Variants in TBC1D22A observed in about 807,000 individuals in gnomAD.
The protein encoded by TBC1D22A is TBC1 domain family member 22A.
TBC1D22A carries 38 observed loss-of-function variants against 60.2 expected under a neutral mutation model. The observed-to-expected ratio is 0.63, with a 90% CI of 0.49 to 0.83. TBC1D22A has a LOEUF of 0.83. Ranked by LOEUF, TBC1D22A falls within the 40% of genes least tolerant of loss-of-function variation. The probability of loss-of-function intolerance (pLI) is 0.00; values close to 1 mark genes in which losing one functional copy is unlikely to be tolerated. For missense variants in TBC1D22A, 628 were observed against 701.0 expected (o/e 0.90, Z 1.18); for synonymous variants, 302 against 281.7 (o/e 1.07, Z -0.72).
intron 8 of TBC1D22A, among the ~76,000 whole-genome samples, chr22:46,929,922 T>G (rs7284894): frequency 0.26 from 39,545 of 152,086 alleles, 6,443 homozygotes; most frequent in Middle Eastern, 0.42. Flanking sequence ...CCCCTATGTG[T>G]GTGTGGACCC....
rs575918186 is a variant in TBC1D22A, at chr22:47,109,331, A to G, written c.1330-2177A>G. On this transcript the variant is annotated intron_variant, in intron 11 of 12. Transcript: ENST00000337137. ...ACCTGTCAGTTATTGATAGATTATA[A>G]GCAGACAAAAAAAACCAGTCAGGAT... Among the ~76,000 whole-genome samples the G allele has an allele frequency of 1.6e-4, 25 of 152,352 alleles. No individual in the cohort carries two copies. The South Asian group carries it at 5.2e-3, about 32-fold the overall frequency.
intron 4 of TBC1D22A, among the ~76,000 whole-genome samples, chr22:46,854,677 T>G (rs2147303209): frequency 6.6e-6 from 1 of 152,320 alleles, no homozygotes; most frequent in East Asian, 1.9e-4. Flanking sequence ...CAAGTCTCCT[T>G]GCTTCCCTCT....
chr22:47,026,188 A>G (rs1233082653), intron 10 of TBC1D22A, among the ~76,000 whole-genome samples: 3 of 152,204 alleles, frequency 2.0e-5, no homozygotes, highest in Non-Finnish European at 2.9e-5. Context: ...TCCACTCTCA[A>G]TGGAAACTCT....
At chr22:46,832,386 C>T (rs1271646662) in intron 4 of TBC1D22A, among the ~76,000 whole-genome samples, 1 of 152,234 alleles carries the variant, frequency 6.6e-6, no homozygotes, top group East Asian at 1.9e-4. Flanking sequence ...CGCAGTGGCT[C>T]ACGCCTGTAA....
intron 5 of TBC1D22A, among the ~76,000 whole-genome samples, chr22:46,888,905 C>T (rs1211984905): frequency 6.6e-6 from 1 of 152,160 alleles, no homozygotes; most frequent in Non-Finnish European, 1.5e-5. Context: ...GGGGTTTCAC[C>T]ATGTTGGCCA....
chr22:46,960,656 T>G (rs909252756), intron 8 of TBC1D22A, among the ~76,000 whole-genome samples: 7 of 152,120 alleles, frequency 4.6e-5, no homozygotes, highest in African/African-American at 1.7e-4. Flanking sequence ...AGATACCCAG[T>G]CCAGGCCAGG....
intron 4 of TBC1D22A, among the ~76,000 whole-genome samples, chr22:46,851,909 C>T (rs1051002872): frequency 8.5e-5 from 13 of 152,162 alleles, no homozygotes; most frequent in Non-Finnish European, 1.5e-4. Flanking sequence ...CATTAAGAGG[C>T]AGGGGTCATG....
chr22:47,157,635 C>T (rs1027733020), intron 12 of TBC1D22A, among the ~76,000 whole-genome samples: 8 of 152,244 alleles, frequency 5.3e-5, no homozygotes, highest in Non-Finnish European at 1.2e-4. Flanking sequence ...TCGTGAGCTC[C>T]GTGTGGCCGT....
intron 1 of TBC1D22A, among the ~76,000 whole-genome samples, chr22:46,792,236 G>A (rs532731848): frequency 1.3e-5 from 2 of 152,156 alleles, no homozygotes; most frequent in Admixed American, 1.3e-4. Context: ...GTAGATGCCC[G>A]AGGGTCTGTG....
chr22:47,104,336 A>G (rs2065539604), intron 11 of TBC1D22A, among the ~76,000 whole-genome samples: 1 of 151,818 alleles, frequency 6.6e-6, no homozygotes, highest in Non-Finnish European at 1.5e-5. Flanking sequence ...CTATTAACAT[A>G]GCTAGATTTT....
chr22:46,788,579 C>T (rs1008157415), intron 1 of TBC1D22A, among the ~76,000 whole-genome samples: 21 of 152,272 alleles, frequency 1.4e-4, no homozygotes, highest in Non-Finnish European at 2.6e-4. Flanking sequence ...CCACTGGGAC[C>T]CGCCTGTGGT....
At chr22:47,125,065 G>T (rs1159059314) in intron 12 of TBC1D22A, among the ~76,000 whole-genome samples, 1 of 152,082 alleles carries the variant, frequency 6.6e-6, no homozygotes, top group Non-Finnish European at 1.5e-5. Flanking sequence ...GACCAGGTGT[G>T]GCCAGCACAG....
At chr22:46,997,746 G>A (rs527415182) in intron 10 of TBC1D22A, 37 bp downstream of exon 10, 54 of 1,593,326 alleles carry the variant, frequency 3.4e-5, no homozygotes, top group African/African-American at 2.7e-4. Flanking sequence ...CTCTGTGGGC[G>A]GGGGGAGGTG....
chr22:46,960,187 G>A (rs146852033), intron 8 of TBC1D22A, among the ~76,000 whole-genome samples: 20 of 152,078 alleles, frequency 1.3e-4, no homozygotes, highest in East Asian at 9.7e-4. Flanking sequence ...TTATTAGTGC[G>A]TTTTTCACGG....
chr22:47,074,014 G>A (rs189693015), intron 11 of TBC1D22A, among the ~76,000 whole-genome samples: 139 of 152,246 alleles, frequency 9.1e-4, no homozygotes, highest in Admixed American at 2.9e-3. Flanking sequence ...TCAGCTACTC[G>A]GGAGGATCAG....
chr22:47,037,111 C>T lies in TBC1D22A; in HGVS notation c.1242C>T (p.Tyr414=). Residue 414 remains tyrosine, a synonymous_variant, in exon 11 of 13, where the codon TAC becomes TAT. Transcript: ENST00000337137. ...HRHLDQHEVR[Y]LQFAFRWMNN... ...ACCTGGACCAACACGAAGTGAGATACCTGCAGTTTGCCTTCCGCTGGATGA... is the reference window on the plus strand; with the variant it reads ...ACCTGGACCAACACGAAGTGAGATATCTGCAGTTTGCCTTCCGCTGGATGA... The T allele has an allele frequency of 6.2e-7, 1 of 1,613,984 alleles. No individual in the cohort carries two copies. The highest frequency in any genetic ancestry group is 8.5e-7 in the Non-Finnish European group (1 of 1,179,898).
At chr22:47,172,129 C>T (rs1264660921) in intron 12 of TBC1D22A, among the ~76,000 whole-genome samples, 1 of 150,368 alleles carries the variant, frequency 6.7e-6, no homozygotes, top group Admixed American at 6.6e-5. Flanking sequence ...GCCCAGTGAG[C>T]CCAGTGAGTC....
At chr22:46,813,503 C>T (rs112610039) in intron 4 of TBC1D22A, among the ~76,000 whole-genome samples, 3,540 of 152,226 alleles carry the variant, frequency 0.023, 150 homozygotes, top group African/African-American at 0.081. Context: ...AAGAAGAATG[C>T]TTTAATAATA....
At chr22:47,024,249 G>T (rs1187810386) in intron 10 of TBC1D22A, among the ~76,000 whole-genome samples, 5 of 152,148 alleles carry the variant, frequency 3.3e-5, no homozygotes, top group Non-Finnish European at 7.4e-5. Flanking sequence ...AGATAAAGTA[G>T]ATTATATAAA....
Sources: allele counts gnomAD v4.1 joint callset (sites outside exome capture counted in the v4.1 genomes callset), GRCh38; gene constraint gnomAD v4.1.1; transcripts MANE v1.5; gene names NCBI Gene and HGNC (gene_info 2026-07-23, HGNC 2026-07-21).